Variants in SLITRK4 observed in about 807,000 individuals in gnomAD.
The protein encoded by SLITRK4 is SLIT and NTRK-like protein 4.
SLITRK4 carries 7 observed loss-of-function variants against 34.7 expected under a neutral mutation model. The ratio of observed to expected loss-of-function variants is 0.20; its 90% CI spans 0.11 to 0.38. The LOEUF (loss-of-function observed/expected upper bound fraction) is 0.38, where lower values mean the gene tolerates loss of function less well. SLITRK4 is among the 10% of genes least tolerant of loss of function. The probability of loss-of-function intolerance (pLI) is 1.00; values close to 1 mark genes in which losing one functional copy is unlikely to be tolerated. For synonymous variants in SLITRK4, 237 were observed against 246.2 expected (o/e 0.96, Z 0.35); for missense variants, 474 against 607.0 (o/e 0.78, Z 2.30).
At chrX:143,633,241 C>T (rs782488076) in intron 1 of SLITRK4, among the ~76,000 whole-genome samples, 10 of 108,915 alleles carry the variant, frequency 9.2e-5, no homozygotes, top group African/African-American at 3.4e-4. Flanking sequence ...AGTTGGTCCA[C>T]CAAGGAGAGA....
rs1471468930 is a variant in SLITRK4 at position 143,624,980 on chromosome X, T to A, written c.*3615A>T. 1 of 111,064 alleles carries A rather than the reference T, an allele frequency of 9.0e-6. No individual in the cohort carries two copies. The highest frequency in any genetic ancestry group is 1.9e-5 in the Non-Finnish European group (1 of 52,681). 9.2% of individuals were successfully genotyped at this position (111,064 alleles called of 1,213,427 possible). A position where few individuals can be genotyped will look rare whatever the true frequency, so the allele number is the denominator to read the frequency against. ...ATTCTTAATATAGTTTCTCCCCAAC[T>A]CTTTGGATGCGACAGTAACAACAAA... On this transcript the variant is annotated 3_prime_UTR_variant, in exon 2 of 2. Coordinates refer to ENST00000356928, the MANE Select transcript of SLITRK4 (RefSeq NM_001184749.3).
Position 143,627,423 on chromosome X carries a change from A to G in SLITRK4, c.*1172T>C, listed in dbSNP as rs1556425694. 9.0e-6 allele frequency: 1 copy of G among 111,196 alleles called. No homozygotes were observed. Among genetic ancestry groups the G allele is most frequent in the African/African-American group, 3.3e-5 (1 of 30,682 alleles). 9.2% of individuals were successfully genotyped at this position (111,196 alleles called of 1,213,427 possible). A position where few individuals can be genotyped will look rare whatever the true frequency, so the allele number is the denominator to read the frequency against. ...ACAATTGGTAACAAATCTGAAGATA[A>G]TACGCTAAATTCACAAGAATAGCAC... On this transcript the variant is annotated 3_prime_UTR_variant, in exon 2 of 2. Coordinates refer to ENST00000356928, the MANE Select transcript of SLITRK4 (RefSeq NM_001184749.3).
At position 143,624,116 on chromosome X, in the gene SLITRK4, T is replaced by C. The variant is rs1230401740; in HGVS notation, c.*4479A>G. ...GTGTTTACTTTTCTTACCATAAATA[T>C]ATGAACCTTAAACCCACTGTATTGG... On this transcript the variant is annotated 3_prime_UTR_variant, in exon 2 of 2. Transcript: ENST00000356928. The C allele has an allele frequency of 8.9e-6, 1 of 111,753 alleles. No individual in the cohort carries two copies. The highest frequency in any genetic ancestry group is 2.8e-4 in the East Asian group (1 of 3,579). The allele number at this position is 111,753 out of a possible 1,213,427, so 9.2% of individuals were successfully genotyped here. A position where few individuals can be genotyped will look rare whatever the true frequency, so the allele number is the denominator to read the frequency against.
chrX:143,627,518 C>T lies in SLITRK4; in HGVS notation c.*1077G>A, dbSNP rs180942765. 2.7e-5 allele frequency: 3 copies of T among 110,682 alleles called. No individual in the cohort carries two copies. In the Admixed American group the frequency reaches 2.9e-4, roughly 11 times the overall value. 9.1% of individuals were successfully genotyped at this position (110,682 alleles called of 1,213,427 possible). A position where few individuals can be genotyped will look rare whatever the true frequency, so the allele number is the denominator to read the frequency against. On this transcript the variant is annotated 3_prime_UTR_variant, in exon 2 of 2. Coordinates refer to ENST00000356928, the MANE Select transcript of SLITRK4 (RefSeq NM_001184749.3). ...AAATTTTTTTTGTTTTTAAGTTACA[C>T]CTGATCACAAAGTCCAGAATATTTC...
intron 1 of SLITRK4, chrX:143,634,567 G>A (rs1041416535): frequency 1.8e-5 from 2 of 108,476 alleles, no homozygotes; most frequent in Non-Finnish European, 3.8e-5. Flanking sequence ...GCGATGCCAA[G>A]GACACCCGGA....
At position 143,629,240 on chromosome X, in the gene SLITRK4, A is replaced by G; in HGVS notation, c.1869T>C (p.Ser623=). 1.7e-6 allele frequency: 2 copies of G among 1,212,016 alleles called. No individual in the cohort carries two copies. Among genetic ancestry groups the G allele is most frequent in the Non-Finnish European group, 2.2e-6 (2 of 895,627 alleles). The change falls in exon 2 of 2, where the codon AGT becomes AGC. Residue 623 remains serine (S), a synonymous_variant. Transcript: ENST00000356928. Reference sequence around the variant, plus strand: ...CCGTTAAAATGAGGACCACTAAGATACTTAAGATTAAAATAGACAGAGGCA... The same window carrying G: ...CCGTTAAAATGAGGACCACTAAGATGCTTAAGATTAAAATAGACAGAGGCA... ...GPVPLSILIL[S]ILVVLILTVF... is the part of the protein sequence containing the mutation.
chrX:143,629,099 C>T lies in SLITRK4; in HGVS notation c.2010G>A (p.Lys670=), dbSNP rs782104210. The change falls in exon 2 of 2, where the codon AAG becomes AAA. Residue 670 remains lysine, a synonymous_variant. Coordinates refer to ENST00000356928, the MANE Select transcript of SLITRK4 (RefSeq NM_001184749.3). ...DCGSMQLQLR[K]HDHKTNKKDG... is the part of the protein sequence containing the mutation. ...CTTTTTTATTGGTTTTGTGGTCATG[C>T]TTCCTTAGCTGCAGCTGCATGGAGC... 9 of 1,210,316 alleles carry T rather than the reference C, an allele frequency of 7.4e-6. No individual in the cohort carries two copies. Among genetic ancestry groups the T allele is most frequent in the Non-Finnish European group, 1.0e-5 (9 of 895,404 alleles).
intron 1 of SLITRK4, among the ~76,000 whole-genome samples, chrX:143,635,417 C>T (rs1212599534): frequency 9.7e-6 from 1 of 103,423 alleles, no homozygotes; most frequent in Non-Finnish European, 2.0e-5. Context: ...CGCCTCCATC[C>T]CCCCCACCAC....
chrX:143,629,954 A>G lies in SLITRK4; in HGVS notation c.1155T>C (p.Asn385=). 1 of 1,211,940 alleles carries G rather than the reference A, an allele frequency of 8.3e-7. No homozygotes were observed. The highest frequency in any genetic ancestry group is 1.8e-5 in the South Asian group (1 of 57,009). Residue 385 remains asparagine (N), a synonymous_variant, in exon 2 of 2, where the codon AAT becomes AAC. Coordinates refer to ENST00000356928, the MANE Select transcript of SLITRK4 (RefSeq NM_001184749.3). ...CGTCCACATCCTTGATGCTATTGCC[A>G]TTGACGTGCAGCTTCTTCGCATTTA... is the stretch of plus-strand genomic sequence containing the variant. ...KPLNAKKLHV[N]GNSIKDVDVS... is the part of the protein sequence containing the mutation.
Position 143,630,469 on chromosome X carries a change from G to T in SLITRK4, c.640C>A (p.Pro214Thr). Reference protein sequence around the residue: ...RVVELQLEDNPWNCSCDLLPL... With the variant: ...RVVELQLEDNTWNCSCDLLPL... ...AATAAATCACAGCTACAGTTCCAAG[G>T]GTTATCTTCCAGTTGCAATTCAACG... The change falls in exon 2 of 2, where the codon CCT (proline) becomes ACT (threonine). Residue 214 changes from proline (P) to threonine (T), a missense_variant. By Grantham distance (38) the Pro-to-Thr change is conservative. Coordinates refer to ENST00000356928, the MANE Select transcript of SLITRK4 (RefSeq NM_001184749.3). 2 of 1,211,720 alleles carry T rather than the reference G, an allele frequency of 1.7e-6. No homozygotes were observed. Among genetic ancestry groups the T allele is most frequent in the Non-Finnish European group, 2.2e-6 (2 of 895,540 alleles).
Position 143,625,246 on chromosome X carries a change from T to G in SLITRK4, c.*3349A>C, listed in dbSNP as rs1556425253. 1 of 111,308 alleles carries G rather than the reference T, an allele frequency of 9.0e-6. No individual in the cohort carries two copies. The highest frequency in any genetic ancestry group is 3.3e-5 in the African/African-American group (1 of 30,752). 9.2% of individuals were successfully genotyped at this position (111,308 alleles called of 1,213,427 possible). A position where few individuals can be genotyped will look rare whatever the true frequency, so the allele number is the denominator to read the frequency against. Reference sequence around the variant, plus strand: ...TTAAATAAATTTCTAATTCATATATTTTTTCAGTCTATTCAGAATGAAAAA... The same window carrying G: ...TTAAATAAATTTCTAATTCATATATGTTTTCAGTCTATTCAGAATGAAAAA... On this transcript the variant is annotated 3_prime_UTR_variant, in exon 2 of 2. Transcript: ENST00000356928.
At position 143,631,065 on chromosome X, in the gene SLITRK4, G is replaced by A. The variant is rs782581686; in HGVS notation, c.44C>T (p.Ser15Leu). Residue 15 changes from serine (S) to leucine (L), a missense_variant, in exon 2 of 2, where the codon TCG becomes TTG. By Grantham distance (145) the Ser-to-Leu change is moderately radical (BLOSUM62 -2). This residue lies in a region of SLITRK4 where 84 missense variants were observed against 101.3 expected (regional missense o/e 0.83). Coordinates refer to ENST00000356928, the MANE Select transcript of SLITRK4 (RefSeq NM_001184749.3). ...LFLILSALIS[S>L]TNADSDISVE... Reference sequence around the variant, plus strand: ...CGATATGTCAGAATCTGCATTTGTCGAAGAAATCAGGGCTGACAAAATCAG... The same window carrying A: ...CGATATGTCAGAATCTGCATTTGTCAAAGAAATCAGGGCTGACAAAATCAG... 20 of 1,188,692 alleles carry A rather than the reference G, an allele frequency of 1.7e-5. No individual in the cohort carries two copies. The highest frequency in any genetic ancestry group is 2.3e-4 in the Middle Eastern group (1 of 4,259).
In SLITRK4 at chrX:143,631,025, A is replaced by G; in HGVS notation, c.84T>C (p.Asn28=). 8.3e-7 allele frequency: 1 copy of G among 1,205,471 alleles called. No individual in the cohort carries two copies. The highest frequency in any genetic ancestry group is 1.8e-5 in the South Asian group (1 of 54,922). The part of the protein sequence containing the change: ...ADSDISVEIC[N]VCSCVSVENV... ...TCTCAACTGACACGCAGGAACACAC[A>G]TTGCAAATTTCCACCGATATGTCAG... is the stretch of plus-strand genomic sequence containing the variant. The change falls in exon 2 of 2, where the codon AAT becomes AAC. Residue 28 remains asparagine, a synonymous_variant. Transcript: ENST00000356928.
At position 143,634,025 on chromosome X, in the gene SLITRK4, G is replaced by A. The variant is rs1307572703; in HGVS notation, c.-51+1710C>T. On this transcript the variant is annotated intron_variant, in intron 1 of 1. Coordinates refer to ENST00000356928, the MANE Select transcript of SLITRK4 (RefSeq NM_001184749.3). Reference sequence around the variant, plus strand: ...TCCCGTCCCACAAGGGGCAGCTGCCGGAGTTTCAGTGGACCTCTCTAGACC... The same window carrying A: ...TCCCGTCCCACAAGGGGCAGCTGCCAGAGTTTCAGTGGACCTCTCTAGACC... Among the ~76,000 whole-genome samples the A allele has an allele frequency of 4.4e-5, 5 of 112,547 alleles. No individual in the cohort carries two copies. The East Asian group carries it at 1.4e-3, about 32-fold the overall frequency.
intron 1 of SLITRK4, among the ~76,000 whole-genome samples, chrX:143,633,806 G>A (rs927058115): frequency 2.7e-5 from 3 of 111,722 alleles, no homozygotes; most frequent in Admixed American, 9.3e-5. Context: ...TCGGGCGGGC[G>A]GCGAGGAGGC....
At position 143,628,132 on chromosome X, in the gene SLITRK4, T is replaced by TTTTTTTTTTTTTTG; in HGVS notation, c.*462_*463insCAAAAAAAAAAAAA. The TTTTTTTTTTTTTTG allele has an allele frequency of 1.0e-5, 2 of 194,091 alleles. No individual in the cohort carries two copies. Among genetic ancestry groups the TTTTTTTTTTTTTTG allele is most frequent in the South Asian group, 3.8e-4 (1 of 2,625 alleles). 16.0% of individuals were successfully genotyped at this position (194,091 alleles called of 1,213,427 possible). Reference sequence around the variant, plus strand: ...TTTTTTTTTTTTTTTTTTTTTACTTTTCAGATAATCTTTACACGGAGTTGT... The same window carrying TTTTTTTTTTTTTTG: ...TTTTTTTTTTTTTTTTTTTTTACTTTTTTTTTTTTTTTTGTCAGATAATCTTTACACGGAGTTGT... On this transcript the variant is annotated 3_prime_UTR_variant, in exon 2 of 2. Transcript: ENST00000356928.
In SLITRK4 at chrX:143,624,656, T is replaced by C. The variant is rs1930727935; in HGVS notation, c.*3939A>G. 2 of 111,820 alleles carry C rather than the reference T, an allele frequency of 1.8e-5. No homozygotes were observed. The highest frequency in any genetic ancestry group is 7.4e-4 in the South Asian group (2 of 2,708). The allele number at this position is 111,820 out of a possible 1,213,427, so 9.2% of individuals were successfully genotyped here. ...ATCAGTTTGGTTACTGCTTTATATT[T>C]TTCTGAAAAATAATGGAAAGACAAA... On this transcript the variant is annotated 3_prime_UTR_variant, in exon 2 of 2. Transcript: ENST00000356928.
rs145052400 is a variant in SLITRK4 at position 143,629,763 on chromosome X, T to C, written c.1346A>G (p.His449Arg). ...TTCCAAATACAGATACTGCAGGTTA[T>C]GAAGACCTGAAAATATTTCAGGATA... ...RLYPEIFSGL[H>R]NLQYLYLEYN... Residue 449 changes from histidine to arginine, a missense_variant, in exon 2 of 2, where the codon CAT becomes CGT. Coordinates refer to ENST00000356928, the MANE Select transcript of SLITRK4 (RefSeq NM_001184749.3). The C allele has an allele frequency of 1.1e-5, 13 of 1,208,866 alleles. No individual in the cohort carries two copies. The highest frequency in any genetic ancestry group is 1.5e-5 in the Non-Finnish European group (13 of 894,187).
In SLITRK4 at chrX:143,627,844, G is replaced by A. The variant is rs1203860868; in HGVS notation, c.*751C>T. 2 of 123,330 alleles carry A rather than the reference G, an allele frequency of 1.6e-5. No homozygotes were observed. Among genetic ancestry groups the A allele is most frequent in the Non-Finnish European group, 3.3e-5 (2 of 61,132 alleles). The allele number at this position is 123,330 out of a possible 1,213,427, so 10.2% of individuals were successfully genotyped here. On this transcript the variant is annotated 3_prime_UTR_variant, in exon 2 of 2. Coordinates refer to ENST00000356928, the MANE Select transcript of SLITRK4 (RefSeq NM_001184749.3). ...TTTAATTTGAGCCATGTTTAATTCT[G>A]ATAAACGTCACATATTTCTTCAGAT...
Sources: gnomAD v4.1 joint callset for allele counts (sites outside exome capture counted in the v4.1 genomes callset) on GRCh38, gnomAD v4.1.1 for gene constraint, gnomAD v4.1.1 regional missense constraint, MANE v1.5 for transcripts, NCBI Gene and HGNC (gene_info 2026-07-23, HGNC 2026-07-21) for gene names.